ST3GAL3: variants seen among roughly 807,000 people sequenced by gnomAD.
ST3GAL3 encodes the protein ST3 beta-galactoside alpha-2,3-sialyltransferase 3.
ST3GAL3 carries 21 observed loss-of-function variants against 50.1 expected under a neutral mutation model. The ratio of observed to expected loss-of-function variants is 0.42; its 90% confidence interval spans 0.30 to 0.60. The LOEUF is 0.60. Among genes scored for constraint, ST3GAL3 ranks in the 20% least tolerant of loss-of-function variants. The pLI is 0.19. For synonymous variants in ST3GAL3, 183 were observed against 190.0 expected, an observed-to-expected ratio of 0.96 and a Z score of 0.30; for missense variants, 353 against 489.4, an observed-to-expected ratio of 0.72 and a Z score of 2.63.
intron 5 of ST3GAL3, among the ~76,000 whole-genome samples, chr1:43,854,240 G>A (rs373944378): frequency 4.6e-5 from 7 of 152,040 alleles, no homozygotes; most frequent in Middle Eastern, 3.2e-3. Flanking sequence ...TACCTTCTCC[G>A]CTTCCTCATG....
chr1:43,859,695 C>T (rs1299065711), intron 5 of ST3GAL3, among the ~76,000 whole-genome samples: 1 of 152,212 alleles, frequency 6.6e-6, no homozygotes, highest in Non-Finnish European at 1.5e-5. Context: ...AAGCAAATGC[C>T]CAAATGGAGC....
intron 2 of ST3GAL3, among the ~76,000 whole-genome samples, chr1:43,751,415 G>A (rs1686014782): frequency 1.3e-5 from 2 of 152,090 alleles, no homozygotes; most frequent in Non-Finnish European, 2.9e-5. Flanking sequence ...ACAGATATAT[G>A]TACAGGTGTG....
chr1:43,873,010 A>G (rs778649640), intron 5 of ST3GAL3, among the ~76,000 whole-genome samples: 3 of 152,228 alleles, frequency 2.0e-5, no homozygotes, highest in Non-Finnish European at 4.4e-5. Flanking sequence ...AGAAGTGGGA[A>G]ATATGAGAGA....
At chr1:43,778,005 G>A (rs1446119866) in intron 2 of ST3GAL3, among the ~76,000 whole-genome samples, 3 of 152,146 alleles carry the variant, frequency 2.0e-5, no homozygotes, top group Non-Finnish European at 2.9e-5. Context: ...CTGTTCACAA[G>A]AGCAAAGACA....
intron 5 of ST3GAL3, among the ~76,000 whole-genome samples, chr1:43,843,687 A>G (rs1263732755): frequency 6.6e-6 from 1 of 152,242 alleles, no homozygotes; most frequent in Non-Finnish European, 1.5e-5. Context: ...AGAATTCACC[A>G]GCAAAATCTA....
At chr1:43,917,401 TACC>T (rs969323703) in intron 9 of ST3GAL3, among the ~76,000 whole-genome samples, 15 of 129,814 alleles carry the variant, frequency 1.2e-4, no homozygotes, top group African/African-American at 2.4e-4. Flanking sequence ...ACAAAATTTT[TACC>T]ACTTTTTTGT....
chr1:43,763,775 G>A (rs1371731493), intron 2 of ST3GAL3, among the ~76,000 whole-genome samples: 2 of 152,164 alleles, frequency 1.3e-5, no homozygotes, highest in South Asian at 2.1e-4. Flanking sequence ...AGGCAATGGA[G>A]GGGTGAGAGG....
At chr1:43,898,139 C>A in intron 6 of ST3GAL3, 96 bp from the exon 7 acceptor site, 1 of 1,316,692 alleles carries the variant, frequency 7.6e-7, no homozygotes, top group Non-Finnish European at 1.1e-6. Flanking sequence ...TTCACTCTAG[C>A]CCCTAGGGAC....
chr1:43,808,782 T>C (rs2060202078), intron 3 of ST3GAL3, among the ~76,000 whole-genome samples: 1 of 152,100 alleles, frequency 6.6e-6, no homozygotes, highest in Non-Finnish European at 1.5e-5. Context: ...TGAGTACATG[T>C]GGATGGGAAA....
chr1:43,771,734 GTGTGTGT>G, intron 2 of ST3GAL3: 1 of 50,046 alleles, frequency 2.0e-5, no homozygotes, highest in Non-Finnish European at 6.7e-5. Context: ...ATAAAGTTGT[GTGTGTGT>G]GTGTGTGTGT....
At chr1:43,748,009 C>T (rs1378061693) in intron 2 of ST3GAL3, among the ~76,000 whole-genome samples, 4 of 152,016 alleles carry the variant, frequency 2.6e-5, no homozygotes, top group East Asian at 3.9e-4. Flanking sequence ...GCCCTCATCC[C>T]GAGGGACTGT....
intron 5 of ST3GAL3, among the ~76,000 whole-genome samples, chr1:43,861,010 G>A (rs903328093): frequency 1.3e-5 from 2 of 152,202 alleles, no homozygotes; most frequent in African/African-American, 2.4e-5. Context: ...CTGTTTCACC[G>A]ATCCCTGTGG....
At chr1:43,744,697 T>A (rs1384146283) in intron 2 of ST3GAL3, among the ~76,000 whole-genome samples, 6 of 114,922 alleles carry the variant, frequency 5.2e-5, no homozygotes, top group Admixed American at 2.5e-4. Flanking sequence ...TAAAATAAAA[T>A]AAAAAATAAA....
At chr1:43,776,618 A>G (rs562901118) in intron 2 of ST3GAL3, among the ~76,000 whole-genome samples, 1 of 152,042 alleles carries the variant, frequency 6.6e-6, no homozygotes, top group Non-Finnish European at 1.5e-5. Context: ...TCACATGGTA[A>G]CTCTATACTT....
chr1:43,726,352 T>A (rs1672910695), intron 1 of ST3GAL3, among the ~76,000 whole-genome samples: 1 of 152,284 alleles, frequency 6.6e-6, no homozygotes, highest in East Asian at 1.9e-4. Flanking sequence ...GGTGGCATGA[T>A]CTTAGCTCAT....
At position 43,930,570 on chromosome 1, in the gene ST3GAL3, G is replaced by A; in HGVS notation, c.*349G>A. 1 of 401,004 alleles carries A rather than the reference G, an allele frequency of 2.5e-6. No homozygotes were observed. The allele number at this position is 401,004 out of a possible 1,614,324, so 24.8% of individuals were successfully genotyped here. The stretch of plus-strand genomic sequence containing the variant: ...ATTTTGTGAATTTGGGTAGGGGGGA[G>A]GGTAGGGATAATTTATTTTTAAATA... On this transcript the variant is annotated 3_prime_UTR_variant, in exon 12 of 12. Transcript: ENST00000347631.
intron 11 of ST3GAL3, among the ~76,000 whole-genome samples, chr1:43,921,244 A>G (rs2082986056): frequency 6.6e-6 from 1 of 152,020 alleles, no homozygotes; most frequent in Admixed American, 6.6e-5. Context: ...CCCCCAGAGG[A>G]CGCTATTTTC....
At position 43,817,407 on chromosome 1, in the gene ST3GAL3, T is replaced by C. The variant is rs917295919; in HGVS notation, c.209+2474T>C. ...TTCTTCTTCTCCTCCTTTTTCTCCT[T>C]CTTCTCCTCCTTCTCCTTCTTCTCC... is the stretch of plus-strand genomic sequence containing the variant. On this transcript the variant is annotated intron_variant, in intron 4 of 11. Transcript: ENST00000347631. Among the ~76,000 whole-genome samples, 33 of 51,710 alleles carry C rather than the reference T, an allele frequency of 6.4e-4. 2 individuals are homozygous for C. In the South Asian group the frequency reaches 0.017, roughly 26 times the overall value. The allele number at this position is 51,710 out of a possible 152,430, so 33.9% of individuals were successfully genotyped here. A position where few individuals can be genotyped will look rare whatever the true frequency, so the allele number is the denominator to read the frequency against.
rs115847316 is a variant in ST3GAL3 at position 43,847,731 on chromosome 1, C to T, written c.302+9420C>T. On this transcript the variant is annotated intron_variant, in intron 5 of 11. Coordinates refer to ENST00000347631, the MANE Select transcript of ST3GAL3 (RefSeq NM_006279.5). Reference sequence around the variant, plus strand: ...TGGTTACACAACAGTGTGAAAATAACTAATACTACTGAATTGTACACTTAA... The same window carrying T: ...TGGTTACACAACAGTGTGAAAATAATTAATACTACTGAATTGTACACTTAA... Among the ~76,000 whole-genome samples, 1,478 of 152,234 alleles carry T rather than the reference C, an allele frequency of 9.7e-3. 22 individuals carry two copies. Among genetic ancestry groups the T allele is most frequent in the African/African-American group, 0.034 (1,410 of 41,528 alleles).
Sources: gnomAD v4.1 joint callset for allele counts (sites outside exome capture counted in the v4.1 genomes callset) on GRCh38, gnomAD v4.1.1 for gene constraint, MANE v1.5 for transcripts, NCBI Gene and HGNC (gene_info 2026-07-23, HGNC 2026-07-21) for gene names.